The following PTGIS variants were observed in gnomAD, a reference collection of about 807,000 sequenced individuals.
PTGIS encodes the protein prostaglandin I2 synthase, also known as prostacyclin synthase.
PTGIS carries 45 observed loss-of-function variants against 50.3 expected under a neutral mutation model. The ratio of observed to expected loss-of-function variants is 0.90; its 90% CI spans 0.70 to 1.15. The LOEUF (loss-of-function observed/expected upper bound fraction) is 1.15, where lower values mean the gene tolerates loss of function less well. PTGIS is among the 50% of genes most tolerant of loss of function. The pLI, the probability that PTGIS is intolerant of heterozygous loss-of-function variation, is 0.00. For missense variants in PTGIS, 668 were observed against 661.3 expected, an observed-to-expected ratio of 1.01 and a Z score of -0.11; for synonymous variants, 260 against 267.7, an observed-to-expected ratio of 0.97 and a Z score of 0.28.
chr20:49,507,572 A>G lies in PTGIS; in HGVS notation c.*348T>C, dbSNP rs1981187541. The G allele has an allele frequency of 2.6e-6, 1 of 385,226 alleles. No individual in the cohort carries two copies. The highest frequency in any genetic ancestry group is 3.7e-5 in the Admixed American group (1 of 27,242). The allele number at this position is 385,226 out of a possible 1,614,324, so 23.9% of individuals were successfully genotyped here. ...AGCTCATAAGAACTAGGAAGGTGAC[A>G]CCTCCGGGAGTTGGGGGCAGAGCAG... On this transcript the variant is annotated 3_prime_UTR_variant, in exon 10 of 10. Coordinates refer to ENST00000244043, the MANE Select transcript of PTGIS (RefSeq NM_000961.4).
intron 5 of PTGIS, among the ~76,000 whole-genome samples, chr20:49,524,449 A>C (rs973914257): frequency 6.6e-5 from 10 of 152,120 alleles, no homozygotes; most frequent in Admixed American, 6.5e-5. Context: ...ACCCCCAGTA[A>C]AAAGAAGCAA....
chr20:49,567,171 A>G (rs1982920216), intron 1 of PTGIS, among the ~76,000 whole-genome samples: 1 of 152,206 alleles, frequency 6.6e-6, no homozygotes, highest in African/African-American at 2.4e-5. Context: ...ATTTGTGTTA[A>G]GTCGAATGTA....
chr20:49,561,475 G>A (rs1252631763), intron 1 of PTGIS, among the ~76,000 whole-genome samples: 1 of 152,168 alleles, frequency 6.6e-6, no homozygotes, highest in East Asian at 1.9e-4. Flanking sequence ...CTGGGCTAAG[G>A]CCACTTCTCC....
At chr20:49,561,041 T>C (rs1982761756) in intron 1 of PTGIS, among the ~76,000 whole-genome samples, 1 of 152,116 alleles carries the variant, frequency 6.6e-6, no homozygotes, top group South Asian at 2.1e-4. Context: ...GCAATGGCCA[T>C]GGTCCCCGGG....
At chr20:49,515,535 A>T (rs1335325854) in intron 6 of PTGIS, among the ~76,000 whole-genome samples, 1 of 152,246 alleles carries the variant, frequency 6.6e-6, no homozygotes, top group East Asian at 1.9e-4. Context: ...ATGGAATATT[A>T]AATCATCATT....
At chr20:49,523,985 GCACA>G in intron 6 of PTGIS, 69 bp downstream of exon 6, 1 of 1,559,024 alleles carries the variant, frequency 6.4e-7, no homozygotes, top group Non-Finnish European at 8.8e-7. Context: ...GCACAGACAT[GCACA>G]CACACATGCG....
intron 5 of PTGIS, among the ~76,000 whole-genome samples, chr20:49,537,809 C>A (rs1982118740): frequency 6.6e-6 from 1 of 152,088 alleles, no homozygotes; most frequent in South Asian, 2.1e-4. Context: ...AAAAGAAATG[C>A]ACGTGTGCAC....
At chr20:49,536,709 C>G (rs970031693) in intron 5 of PTGIS, among the ~76,000 whole-genome samples, 8 of 152,046 alleles carry the variant, frequency 5.3e-5, no homozygotes, top group African/African-American at 1.7e-4. Flanking sequence ...TCTTGAACTC[C>G]TCACCTTAGG....
Sources: allele counts gnomAD v4.1 joint callset (sites outside exome capture counted in the v4.1 genomes callset), GRCh38; gene constraint gnomAD v4.1.1; transcripts MANE v1.5; gene names NCBI Gene and HGNC (gene_info 2026-07-23, HGNC 2026-07-21).